AGBL3: variants seen among roughly 807,000 people sequenced by gnomAD.
AGBL3 encodes AGBL carboxypeptidase 3, also known as cytosolic carboxypeptidase 3.
A neutral mutation model predicts 94.5 loss-of-function variants in AGBL3; 68 were observed. The observed-to-expected ratio is 0.72, with a 90% CI of 0.59 to 0.88. AGBL3 has a LOEUF of 0.88. Ranked by LOEUF, AGBL3 falls within the 40% of genes least tolerant of loss-of-function variation. The pLI is 0.00. For synonymous variants in AGBL3, 354 were observed against 370.7 expected (o/e 0.95, Z 0.52); for missense variants, 934 against 1,103.8 (o/e 0.85, Z 2.18).
At chr7:134,994,075 A>C (rs570178181) in intron 4 of AGBL3, among the ~76,000 whole-genome samples, 409 of 152,294 alleles carry the variant, frequency 2.7e-3, no homozygotes, top group Admixed American at 4.2e-3. Flanking sequence ...ATTCTAAACA[A>C]TTCCAAAGGG....
At chr7:135,077,009 T>G (rs990756914) in intron 13 of AGBL3, among the ~76,000 whole-genome samples, 1 of 152,302 alleles carries the variant, frequency 6.6e-6, no homozygotes, top group South Asian at 2.1e-4. Flanking sequence ...TGTGAGAGCC[T>G]GTGGTATTTC....
chr7:135,020,712 C>T (rs562781905), intron 5 of AGBL3, among the ~76,000 whole-genome samples: 8 of 152,154 alleles, frequency 5.3e-5, no homozygotes, highest in Admixed American at 2.0e-4. Context: ...ATGTACACCA[C>T]AGAATACTAT....
chr7:135,091,888 T>C (rs1426348415), intron 15 of AGBL3, among the ~76,000 whole-genome samples: 1 of 152,190 alleles, frequency 6.6e-6, no homozygotes, highest in Non-Finnish European at 1.5e-5. Context: ...GTGAGATGGA[T>C]TGAGTCACAG....
chr7:135,033,014 A>C, intron 6 of AGBL3, 32 bp downstream of exon 6: 4 of 1,506,316 alleles, frequency 2.7e-6, no homozygotes, highest in Non-Finnish European at 3.6e-6. Context: ...TTAAGGAGCT[A>C]GACCATCAAC....
chr7:135,026,670 T>C (rs998016243), intron 5 of AGBL3, among the ~76,000 whole-genome samples: 2 of 151,738 alleles, frequency 1.3e-5, no homozygotes, highest in African/African-American at 4.8e-5. Context: ...CCAGTTTTCT[T>C]ATGTTTACTG....
chr7:135,094,493 A>G (rs1822348727), intron 15 of AGBL3: 1 of 456,594 alleles, frequency 2.2e-6, no homozygotes, highest in African/African-American at 2.0e-5. Flanking sequence ...CCTGGTGGCC[A>G]TAGTCTTGTC....
At chr7:135,011,971 C>G (rs1203836338) in intron 4 of AGBL3, 2 of 152,148 alleles carry the variant, frequency 1.3e-5, no homozygotes, top group African/African-American at 4.8e-5. Flanking sequence ...TAAAGCTGTT[C>G]ATAGCACCAT....
chr7:135,058,745 A>G (rs557804657), intron 11 of AGBL3, among the ~76,000 whole-genome samples: 1 of 152,068 alleles, frequency 6.6e-6, no homozygotes, highest in African/African-American at 2.4e-5. Context: ...CTTTGTAAAC[A>G]TTCTTCCTCT....
Position 135,032,651 on chromosome 7 carries a change from T to C in AGBL3, c.419-193T>C, listed in dbSNP as rs779960388. Among the ~76,000 whole-genome samples, 14 of 152,216 alleles carry C rather than the reference T, an allele frequency of 9.2e-5. No homozygotes were observed. The South Asian group carries it at 1.5e-3, about 16-fold the overall frequency. ...ATTTTTAATGTAAGAAATATACAAA[T>C]TTATTTTAGGCATTGTTTTTCTAGT... is the stretch of plus-strand genomic sequence containing the variant. On this transcript the variant is annotated intron_variant, in intron 5 of 16. Coordinates refer to ENST00000436302, the MANE Select transcript of AGBL3 (RefSeq NM_178563.4).
At chr7:135,024,981 C>T (rs1814930062) in intron 5 of AGBL3, among the ~76,000 whole-genome samples, 1 of 151,384 alleles carries the variant, frequency 6.6e-6, no homozygotes, top group Non-Finnish European at 1.5e-5. Context: ...GTAAAGATTC[C>T]AAACCTATGA....
At chr7:135,010,702 G>A (rs1813035854) in intron 4 of AGBL3, 1 of 152,044 alleles carries the variant, frequency 6.6e-6, no homozygotes, top group African/African-American at 2.4e-5. Flanking sequence ...TCCTGTTATT[G>A]CAACTTTTCT....
In AGBL3 at chr7:135,082,609, A is replaced by G. The variant is rs138632046; in HGVS notation, c.2110+819A>G. 2.3e-3 allele frequency among the ~76,000 whole-genome samples: 346 copies of G among 152,240 alleles called. 1 individual carries two copies. The highest frequency in any genetic ancestry group is 7.6e-3 in the African/African-American group (317 of 41,570). ...GAAAATTATTCTAAAATCTTGACATATTGGATTTCACATATTCAAACCTTT... is the reference window on the plus strand; with the variant it reads ...GAAAATTATTCTAAAATCTTGACATGTTGGATTTCACATATTCAAACCTTT... On this transcript the variant is annotated intron_variant, in intron 15 of 16. Transcript: ENST00000436302.
chr7:135,026,987 C>T (rs778326009), intron 5 of AGBL3, among the ~76,000 whole-genome samples: 6 of 151,510 alleles, frequency 4.0e-5, no homozygotes, highest in Admixed American at 6.6e-5. Context: ...GTATACCTCA[C>T]GTTTAGTTTG....
At chr7:135,033,477 C>T (rs1815984531) in intron 6 of AGBL3, among the ~76,000 whole-genome samples, 1 of 152,156 alleles carries the variant, frequency 6.6e-6, no homozygotes, top group South Asian at 2.1e-4. Context: ...TGTACACATA[C>T]ACATTACATG....
intron 12 of AGBL3, among the ~76,000 whole-genome samples, chr7:135,068,930 C>G (rs1265710247): frequency 2.6e-5 from 4 of 152,106 alleles, no homozygotes; most frequent in Non-Finnish European, 5.9e-5. Context: ...TTAAGACAGA[C>G]TGGCAAATTG....
At chr7:135,023,921 C>T (rs955396727) in intron 5 of AGBL3, among the ~76,000 whole-genome samples, 1 of 152,258 alleles carries the variant, frequency 6.6e-6, no homozygotes, top group Non-Finnish European at 1.5e-5. Context: ...AGTGCTCAAC[C>T]CCAAGGGGCC....
rs148290558 is a variant in AGBL3 at position 134,992,245 on chromosome 7, G to A, written c.125-1248G>A. Among the ~76,000 whole-genome samples, 449 of 152,274 alleles carry A rather than the reference G, an allele frequency of 2.9e-3. 3 individuals carry two copies. The highest frequency in any genetic ancestry group is 0.01 in the African/African-American group (425 of 41,532). ...GATCAGTTTCATTACTTTGAGGCTTGCCTTTCAGCTTTGTTAGAGTGTGTC... is the reference window on the plus strand; with the variant it reads ...GATCAGTTTCATTACTTTGAGGCTTACCTTTCAGCTTTGTTAGAGTGTGTC... On this transcript the variant is annotated intron_variant, in intron 3 of 16. Coordinates refer to ENST00000436302, the MANE Select transcript of AGBL3 (RefSeq NM_178563.4).
At chr7:135,114,842 C>T (rs568837864) in intron 15 of AGBL3, among the ~76,000 whole-genome samples, 1 of 152,296 alleles carries the variant, frequency 6.6e-6, no homozygotes, top group Non-Finnish European at 1.5e-5. Context: ...TCAATGCCTT[C>T]CAGTGATTTT....
At chr7:135,034,108 C>T in intron 6 of AGBL3, 41 bp from the exon 7 acceptor site, 1 of 1,321,596 alleles carries the variant, frequency 7.6e-7, no homozygotes, top group Non-Finnish European at 9.8e-7. Context: ...GTCATTTTTA[C>T]ATTCTTACGT....
Sources: gnomAD v4.1 joint callset for allele counts (sites outside exome capture counted in the v4.1 genomes callset) on GRCh38, gnomAD v4.1.1 for gene constraint, MANE v1.5 for transcripts, NCBI Gene and HGNC (gene_info 2026-07-23, HGNC 2026-07-21) for gene names.